Variants in REXO5 observed in about 807,000 individuals in gnomAD.
REXO5 encodes the protein exonuclease NEF-sp.
REXO5 carries 48 observed loss-of-function variants against 88.5 expected under a neutral mutation model. The observed-to-expected ratio is 0.54, with a 90% CI of 0.43 to 0.69. The LOEUF is 0.69. REXO5 is among the 30% of genes least tolerant of loss of function. The probability of loss-of-function intolerance (pLI) is 0.00; values close to 1 mark genes in which losing one functional copy is unlikely to be tolerated. For synonymous variants in REXO5, 311 were observed against 336.5 expected (o/e 0.92, Z 0.83); for missense variants, 749 against 912.2 (o/e 0.82, Z 2.30).
At chr16:20,813,873 A>G (rs780975225) in intron 3 of REXO5, among the ~76,000 whole-genome samples, 5 of 152,294 alleles carry the variant, frequency 3.3e-5, no homozygotes, top group Non-Finnish European at 7.4e-5. Flanking sequence ...AGCCTGGGCA[A>G]CATAGCGAGA....
intron 19 of REXO5, 62 bp downstream of exon 19, chr16:20,846,401 G>A: frequency 7.9e-7 from 1 of 1,271,532 alleles, no homozygotes; most frequent in Non-Finnish European, 1.1e-6. Flanking sequence ...TGTTCTTAGA[G>A]AAAAAGCCTT....
rs755146835 is a variant in REXO5, at chr16:20,806,995, G to A, written c.42G>A (p.Lys14=). 6.2e-7 allele frequency: 1 copy of A among 1,601,078 alleles called. No individual in the cohort carries two copies. Among genetic ancestry groups the A allele is most frequent in the Non-Finnish European group, 8.5e-7 (1 of 1,174,040 alleles). ...AAGGGACCGAGAGACACCCCAGGAA[G>A]GTCAGGGAAAGCAGGCAGGCCCCAA... ...EREGTERHPR[K]VRESRQAPNK... Residue 14 remains lysine, a synonymous_variant, in exon 2 of 20, where the codon AAG becomes AAA. Transcript: ENST00000261377.
intron 13 of REXO5, 21 bp downstream of exon 13, chr16:20,833,144 T>C: frequency 6.2e-7 from 1 of 1,609,212 alleles, no homozygotes; most frequent in Non-Finnish European, 8.5e-7. Context: ...TGCTGAACCT[T>C]TGCAGGTTAT....
intron 12 of REXO5, 118 bp downstream of exon 12, chr16:20,832,377 A>C: frequency 1.7e-6 from 1 of 584,232 alleles, no homozygotes; most frequent in Admixed American, 3.9e-5. Context: ...TTTACCAAAA[A>C]ATGATAACAT....
intron 13 of REXO5, among the ~76,000 whole-genome samples, chr16:20,835,167 CTTTCT>C (rs536485883): frequency 2.0e-5 from 3 of 150,832 alleles, no homozygotes; most frequent in Admixed American, 1.3e-4. Context: ...CTTTTCTTAT[CTTTCT>C]TTTCTTTTCT....
chr16:20,849,298 A>G (rs1227862797), intron 19 of REXO5, 101 bp from the exon 20 acceptor site: 4 of 1,123,614 alleles, frequency 3.6e-6, no homozygotes, highest in African/African-American at 3.1e-5. Context: ...GCCCCATGGC[A>G]CACACACATA....
At position 20,849,543 on chromosome 16, in the gene REXO5, G is replaced by A; in HGVS notation, c.*63G>A. 1.4e-6 allele frequency: 2 copies of A among 1,473,576 alleles called. No individual in the cohort carries two copies. Among genetic ancestry groups the A allele is most frequent in the Non-Finnish European group, 1.9e-6 (2 of 1,052,648 alleles). 91.3% of individuals were successfully genotyped at this position (1,473,576 alleles called of 1,614,324 possible). On this transcript the variant is annotated 3_prime_UTR_variant, in exon 20 of 20. Coordinates refer to ENST00000261377, the MANE Select transcript of REXO5 (RefSeq NM_030941.3). ...CTTGTAGGCAATGGCAAAGAATGTG[G>A]TCAGGCTGTAGCCTCCCCAACCAGC...
chr16:20,815,413 C>T (rs2081066222), intron 4 of REXO5, among the ~76,000 whole-genome samples: 1 of 152,164 alleles, frequency 6.6e-6, no homozygotes, highest in South Asian at 2.1e-4. Context: ...TAGCAGTTGT[C>T]ATCTTTAAAA....
At chr16:20,844,887 G>T in intron 17 of REXO5, 42 bp downstream of exon 17, 2 of 1,582,392 alleles carry the variant, frequency 1.3e-6, no homozygotes, top group Non-Finnish European at 1.7e-6. Context: ...GAAGGAAACT[G>T]GGGATGGTGA....
chr16:20,813,364 T>TTTTTTTG, intron 3 of REXO5, 62 bp downstream of exon 3: 1 of 820,488 alleles, frequency 1.2e-6, no homozygotes, highest in South Asian at 1.6e-5. Flanking sequence ...TTTTTTTTTT[T>TTTTTTTG]ACCTCTCCCA....
At chr16:20,838,592 C>T (rs1022310861) in intron 13 of REXO5, among the ~76,000 whole-genome samples, 3 of 152,100 alleles carry the variant, frequency 2.0e-5, no homozygotes, top group African/African-American at 7.2e-5. Flanking sequence ...ATGCATGTGC[C>T]TTTAGTTGTT....
At chr16:20,844,262 T>G (rs2081574098) in intron 16 of REXO5, among the ~76,000 whole-genome samples, 1 of 152,248 alleles carries the variant, frequency 6.6e-6, no homozygotes, top group Non-Finnish European at 1.5e-5. Context: ...CATTCTTTGT[T>G]ACTACTTAAG....
rs746296567 is a variant in REXO5, at chr16:20,828,509, G to A, written c.1130G>A (p.Arg377Gln). 7 of 1,613,694 alleles carry A rather than the reference G, an allele frequency of 4.3e-6. No homozygotes were observed. Among genetic ancestry groups the A allele is most frequent in the East Asian group, 2.2e-5 (1 of 44,864 alleles). The change falls in exon 11 of 20, where the codon CGG becomes CAG. Residue 377 changes from arginine to glutamine, a missense_variant. Coordinates refer to ENST00000261377, the MANE Select transcript of REXO5 (RefSeq NM_030941.3). ...EDARTILELA[R>Q]YFLKHGPKKI... ...GCTAGAACAATCCTTGAATTGGCTCGGTATTTCCTTAAGCATGGCCCAAAA... is the reference window on the plus strand; with the variant it reads ...GCTAGAACAATCCTTGAATTGGCTCAGTATTTCCTTAAGCATGGCCCAAAA...
At chr16:20,831,986 T>C (rs906185901) in intron 11 of REXO5, among the ~76,000 whole-genome samples, 170 bp from the exon 12 acceptor site, 2 of 152,254 alleles carry the variant, frequency 1.3e-5, no homozygotes, top group East Asian at 1.9e-4. Context: ...CTGGTAACTA[T>C]TGAAGCCATC....
chr16:20,841,993 G>A lies in REXO5; in HGVS notation c.1626+1525G>A, dbSNP rs373308497. ...TGGGGGATGAGAAGTGTATAGCAAG[G>A]GACTATAACATCTTCCTTTCTCTTG... is the stretch of plus-strand genomic sequence containing the variant. On this transcript the variant is annotated intron_variant, in intron 15 of 19. Coordinates refer to ENST00000261377, the MANE Select transcript of REXO5 (RefSeq NM_030941.3). 2.0e-4 allele frequency among the ~76,000 whole-genome samples: 30 copies of A among 152,248 alleles called. No individual in the cohort carries two copies. The South Asian group carries it at 6.0e-3, about 31-fold the overall frequency.
At position 20,828,433 on chromosome 16, in the gene REXO5, A is replaced by G; in HGVS notation, c.1056-2A>G. The G allele has an allele frequency of 6.2e-7, 1 of 1,600,452 alleles. No individual in the cohort carries two copies. The highest frequency in any genetic ancestry group is 8.6e-7 in the Non-Finnish European group (1 of 1,167,722). On this transcript the variant is annotated splice_acceptor_variant, in intron 10 of 19. Coordinates refer to ENST00000261377, the MANE Select transcript of REXO5 (RefSeq NM_030941.3). LOFTEE classifies it high-confidence loss of function. ...TATGTCAATTTTATATTGACTTTCC[A>G]GGAAGGATATACAGTGTCCAGACAG... is the stretch of plus-strand genomic sequence containing the variant.
At chr16:20,838,163 T>G (rs2081465708) in intron 13 of REXO5, among the ~76,000 whole-genome samples, 1 of 152,190 alleles carries the variant, frequency 6.6e-6, no homozygotes, top group Non-Finnish European at 1.5e-5. Context: ...CAAGAGCATC[T>G]CTTTTATTCT....
At chr16:20,835,619 G>A (rs1020500975) in intron 13 of REXO5, among the ~76,000 whole-genome samples, 5 of 133,212 alleles carry the variant, frequency 3.8e-5, no homozygotes, top group African/African-American at 1.2e-4. Flanking sequence ...CCAATATCCC[G>A]AGAACTGCTG....
At chr16:20,849,222 A>G (rs955704009) in intron 19 of REXO5, among the ~76,000 whole-genome samples, 177 bp from the exon 20 acceptor site, 1 of 152,188 alleles carries the variant, frequency 6.6e-6, no homozygotes, top group Non-Finnish European at 1.5e-5. Context: ...GACCTCTGAG[A>G]CTCATCAGTG....
Sources: allele counts gnomAD v4.1 joint callset (sites outside exome capture counted in the v4.1 genomes callset), GRCh38; gene constraint gnomAD v4.1.1; transcripts MANE v1.5; gene names NCBI Gene and HGNC (gene_info 2026-07-23, HGNC 2026-07-21).